The following SNX9 variants were observed in gnomAD, a reference collection of about 807,000 sequenced individuals.
SNX9 encodes sorting nexin-9.
SNX9 carries 44 observed loss-of-function variants against 89.4 expected under a neutral mutation model. The observed-to-expected ratio is 0.49, with a 90% CI of 0.39 to 0.63. SNX9 has a LOEUF of 0.63. Ranked by LOEUF, SNX9 falls within the 30% of genes least tolerant of loss-of-function variation. The probability of loss-of-function intolerance (pLI) is 0.00; values close to 1 mark genes in which losing one functional copy is unlikely to be tolerated. For synonymous variants in SNX9, 236 were observed against 247.8 expected, an observed-to-expected ratio of 0.95 and a Z score of 0.45; for missense variants, 578 against 736.1, an observed-to-expected ratio of 0.79 and a Z score of 2.49.
Position 157,938,633 on chromosome 6 carries a change from G to A in SNX9, c.1534G>A (p.Gly512Arg). Residue 512 changes from glycine (G) to arginine (R), a missense_variant and splice_region_variant, in exon 16 of 18, where the codon GGA becomes AGA. Gly to Arg is a moderately radical substitution (Grantham distance 125, BLOSUM62 -2). This residue lies in a region of SNX9 where 348 missense variants were observed against 491.4 expected (regional missense o/e 0.71). Coordinates refer to ENST00000392185, the MANE Select transcript of SNX9 (RefSeq NM_016224.5). The stretch of plus-strand genomic sequence containing the variant: ...TACTGTTGCATTTTATATTTCACAG[G>A]GAGCAATAGAAAAAGTGAAAGAAAG... ...CFPDIIGTHKGAIEKVKESDK... is the reference protein window; with the variant it reads ...CFPDIIGTHKRAIEKVKESDK... 1 of 1,598,880 alleles carries A rather than the reference G, an allele frequency of 6.3e-7. No homozygotes were observed. The highest frequency in any genetic ancestry group is 8.6e-7 in the Non-Finnish European group (1 of 1,166,844).
At chr6:157,894,863 C>T (rs1782947519) in intron 4 of SNX9, among the ~76,000 whole-genome samples, 1 of 152,128 alleles carries the variant, frequency 6.6e-6, no homozygotes, top group South Asian at 2.1e-4. Context: ...TTTTGGATTG[C>T]AGTTTTCATC....
intron 4 of SNX9, 47 bp from the exon 5 acceptor site, chr6:157,896,779 GT>G (rs758230481): frequency 1.2e-6 from 2 of 1,605,282 alleles, no homozygotes; most frequent in Non-Finnish European, 1.7e-6. Context: ...TTGAGTCATG[GT>G]TTCCAAAAGT....
chr6:157,855,133 C>T (rs967325458), intron 1 of SNX9, among the ~76,000 whole-genome samples: 3 of 152,258 alleles, frequency 2.0e-5, no homozygotes, highest in Admixed American at 2.0e-4. Context: ...TACTGCATCG[C>T]TGGGCCCTCT....
chr6:157,938,797 C>T (rs1173948695), intron 16 of SNX9, 50 bp downstream of exon 16: 10 of 1,399,384 alleles, frequency 7.1e-6, no homozygotes, highest in South Asian at 1.2e-5. Context: ...TTTTTTTCCC[C>T]AGCAAAGTTT....
chr6:157,915,254 A>G (rs935503437), intron 9 of SNX9, among the ~76,000 whole-genome samples: 2 of 152,254 alleles, frequency 1.3e-5, no homozygotes, highest in South Asian at 2.1e-4. Context: ...GTTCCTTTAC[A>G]AAATTGTTTT....
intron 1 of SNX9, among the ~76,000 whole-genome samples, chr6:157,833,638 C>T (rs181513368): frequency 6.6e-6 from 1 of 152,244 alleles, no homozygotes; most frequent in East Asian, 1.9e-4. Flanking sequence ...GGTAATTTTA[C>T]CTGCCACCAT....
rs367765060 is a variant in SNX9 at position 157,896,971 on chromosome 6, G to A, written c.445G>A (p.Gly149Ser). The A allele has an allele frequency of 1.7e-5, 28 of 1,609,774 alleles. No homozygotes were observed. Among genetic ancestry groups the A allele is most frequent in the Admixed American group, 3.4e-5 (2 of 58,376 alleles). ...TCCCAACAACTGGGACACTGCCTTC[G>A]GCCACCCCCAGGCCTACCAAGGACC... is the stretch of plus-strand genomic sequence containing the variant. ...NTPNNWDTAF[G>S]HPQAYQGPAT... Residue 149 changes from glycine (G) to serine (S), a missense_variant, in exon 5 of 18, where the codon GGC becomes AGC. Transcript: ENST00000392185.
chr6:157,897,621 C>T lies in SNX9; in HGVS notation c.472+623C>T, dbSNP rs550746338. Among the ~76,000 whole-genome samples, 23 of 152,330 alleles carry T rather than the reference C, an allele frequency of 1.5e-4. No individual in the cohort carries two copies. The East Asian group carries it at 4.0e-3, about 27-fold the overall frequency. On this transcript the variant is annotated intron_variant, in intron 5 of 17. Transcript: ENST00000392185. Reference sequence around the variant, plus strand: ...CTCCCAGGTTCAAGTGATTCTCTCACCTCAGCCTCCTGAGTAGCTGGAATT... The same window carrying T: ...CTCCCAGGTTCAAGTGATTCTCTCATCTCAGCCTCCTGAGTAGCTGGAATT...
chr6:157,902,165 G>A (rs1293067595), intron 6 of SNX9, 120 bp downstream of exon 6: 1 of 847,676 alleles, frequency 1.2e-6, no homozygotes, highest in Non-Finnish European at 1.6e-6. Flanking sequence ...CTAAGTTTTG[G>A]ATATGATTCA....
chr6:157,824,944 C>T (rs993487777), intron 1 of SNX9, among the ~76,000 whole-genome samples: 2 of 152,154 alleles, frequency 1.3e-5, no homozygotes, highest in African/African-American at 4.8e-5. Context: ...CATCTTGCAA[C>T]CTTAAAAGCG....
At chr6:157,861,382 C>T (rs903795434) in intron 1 of SNX9, among the ~76,000 whole-genome samples, 5 of 152,160 alleles carry the variant, frequency 3.3e-5, no homozygotes, top group Admixed American at 3.3e-4. Context: ...GCTGACTTGG[C>T]CCTGCCATAG....
chr6:157,875,009 C>A (rs762037622), intron 3 of SNX9, 42 bp from the exon 4 acceptor site: 3 of 1,608,902 alleles, frequency 1.9e-6, no homozygotes, highest in Admixed American at 1.7e-5. Flanking sequence ...CCTGAAGTGA[C>A]CGTAATCTAT....
At chr6:157,938,553 A>C in intron 15 of SNX9, 80 bp from the exon 16 acceptor site, 1 of 902,314 alleles carries the variant, frequency 1.1e-6, no homozygotes, top group Non-Finnish European at 1.8e-6. Context: ...CAGTTATAGA[A>C]TATATTAGCA....
At chr6:157,853,272 A>T (rs1343861491) in intron 1 of SNX9, among the ~76,000 whole-genome samples, 2 of 152,010 alleles carry the variant, frequency 1.3e-5, no homozygotes, top group Admixed American at 1.3e-4. Context: ...TTAAGGTGAC[A>T]TTTGGCTTGT....
chr6:157,829,585 C>CT (rs1781444299), intron 1 of SNX9: 1 of 152,140 alleles, frequency 6.6e-6, no homozygotes, highest in Admixed American at 6.5e-5. Context: ...AACTGATCCT[C>CT]TGTCTACTTG....
chr6:157,845,218 C>T (rs897233604), intron 1 of SNX9, among the ~76,000 whole-genome samples: 2 of 151,574 alleles, frequency 1.3e-5, no homozygotes, highest in Non-Finnish European at 2.9e-5. Flanking sequence ...AAGCGATTCT[C>T]CTGCCTCAGC....
At chr6:157,928,071 C>G (rs935127277) in intron 11 of SNX9, among the ~76,000 whole-genome samples, 1 of 152,184 alleles carries the variant, frequency 6.6e-6, no homozygotes, top group Non-Finnish European at 1.5e-5. Context: ...AATGACCTCA[C>G]ACTAGACATT....
chr6:157,942,700 T>C, intron 17 of SNX9, 91 bp from the exon 18 acceptor site: 1 of 1,347,996 alleles, frequency 7.4e-7, no homozygotes, highest in Non-Finnish European at 1.0e-6. Context: ...ATTTGTGTCA[T>C]GTTTAACTTG....
At chr6:157,924,534 A>C (rs1323249844) in intron 10 of SNX9, 1 of 153,720 alleles carries the variant, frequency 6.5e-6, no homozygotes, top group African/African-American at 2.4e-5. Flanking sequence ...CTATTGGATC[A>C]GACCTTAAAG....
Sources: gnomAD v4.1 joint callset for allele counts (sites outside exome capture counted in the v4.1 genomes callset) on GRCh38, gnomAD v4.1.1 for gene constraint, gnomAD v4.1.1 regional missense constraint, MANE v1.5 for transcripts, NCBI Gene and HGNC (gene_info 2026-07-23, HGNC 2026-07-21) for gene names.